The following ROBO2 variants were observed in gnomAD, a reference collection of about 807,000 sequenced individuals.
ROBO2 encodes roundabout guidance receptor 2, also known as roundabout homolog 2.
Under a neutral mutation model 160.8 loss-of-function variants are expected in ROBO2, and 53 were observed. That is an observed-to-expected ratio of 0.33 (90% CI 0.26 to 0.41). The LOEUF (loss-of-function observed/expected upper bound fraction) is 0.41, where lower values mean the gene tolerates loss of function less well. Ranked by LOEUF, ROBO2 falls within the 10% of genes least tolerant of loss-of-function variation. ROBO2 has a pLI of 1.00. For synonymous variants in ROBO2, 664 were observed against 611.7 expected, an observed-to-expected ratio of 1.09 and a Z score of -1.26; for missense variants, 1,577 against 1,722.4, an observed-to-expected ratio of 0.92 and a Z score of 1.49.
intron 2 of ROBO2, among the ~76,000 whole-genome samples, chr3:76,180,341 A>T (rs565928433): frequency 6.6e-4 from 100 of 152,250 alleles, no homozygotes; most frequent in African/African-American, 2.2e-3. Flanking sequence ...TGCTGACTTT[A>T]TCTGATTAAG....
intron 2 of ROBO2, among the ~76,000 whole-genome samples, chr3:77,384,502 C>A (rs2073895969): frequency 6.6e-6 from 1 of 152,070 alleles, no homozygotes; most frequent in Admixed American, 6.6e-5. Flanking sequence ...GAAATAAATA[C>A]CTCTCTCCAA....
intron 21 of ROBO2, 74 bp from the exon 23 acceptor site, chr3:77,617,439 T>G: frequency 6.5e-7 from 1 of 1,547,342 alleles, no homozygotes; most frequent in Admixed American, 1.7e-5. Flanking sequence ...TGCTACTTAT[T>G]GCCAGTATAA....
rs2082759280 is a variant in ROBO2, at chr3:77,200,306, TA to T, written c.388+101967del. ...ATATATATATATATATATATATATA[TA>T]TATATATATATATATTTTAGTTTCT... On this transcript the variant is annotated intron_variant, in intron 2 of 25. Coordinates refer to ENST00000461745, the Ensembl canonical transcript of ROBO2. Among the ~76,000 whole-genome samples the T allele has an allele frequency of 7.3e-4, 62 of 84,468 alleles. 1 individual carries two copies. Among genetic ancestry groups the T allele is most frequent in the East Asian group, 3.9e-3 (12 of 3,086 alleles). The allele number at this position is 84,468 out of a possible 152,430, so 55.4% of individuals were successfully genotyped here. A position where few individuals can be genotyped will look rare whatever the true frequency, so the allele number is the denominator to read the frequency against.
intron 2 of ROBO2, among the ~76,000 whole-genome samples, chr3:76,948,900 ATATATATATTTT>A (rs1478784345): frequency 5.9e-3 from 248 of 41,834 alleles, no homozygotes; most frequent in East Asian, 0.018. Flanking sequence ...ATATATATAT[ATATATATATTTT>A]TTTTTTTTTT....
intron 2 of ROBO2, among the ~76,000 whole-genome samples, chr3:76,043,430 C>G (rs2067339763): frequency 6.6e-6 from 1 of 151,520 alleles, no homozygotes; most frequent in African/African-American, 2.4e-5. Flanking sequence ...AAGCACAACC[C>G]CAAAGCTTCT....
intron 2 of ROBO2, among the ~76,000 whole-genome samples, chr3:77,445,358 T>C (rs984412041): frequency 6.6e-6 from 1 of 152,070 alleles, no homozygotes; most frequent in African/African-American, 2.4e-5. Flanking sequence ...TCAAAATCAA[T>C]AGGATATATA....
chr3:76,217,489 C>A (rs11918197), intron 2 of ROBO2, among the ~76,000 whole-genome samples: 1 of 151,994 alleles, frequency 6.6e-6, no homozygotes, highest in South Asian at 2.1e-4. Flanking sequence ...ATATCACCAC[C>A]GATCCCACAG....
At chr3:76,912,990 C>T (rs2076084593) in intron 2 of ROBO2, among the ~76,000 whole-genome samples, 1 of 151,956 alleles carries the variant, frequency 6.6e-6, no homozygotes, top group Non-Finnish European at 1.5e-5. Context: ...CCAAAGAGCA[C>T]ACAGATAACT....
intron 2 of ROBO2, among the ~76,000 whole-genome samples, chr3:76,292,506 C>T (rs2107708004): frequency 6.6e-6 from 1 of 152,156 alleles, no homozygotes; most frequent in Non-Finnish European, 1.5e-5. Context: ...CTCTCTATTC[C>T]ACCCATTCTA....
chr3:75,954,242 C>A (rs1948650920), intron 2 of ROBO2, among the ~76,000 whole-genome samples: 1 of 151,646 alleles, frequency 6.6e-6, no homozygotes, highest in Non-Finnish European at 1.5e-5. Context: ...TTTTTTTATT[C>A]CTCAGGCGTC....
At chr3:76,304,807 T>TCTTTCTCTTTCTTC (rs1559737345) in intron 2 of ROBO2, among the ~76,000 whole-genome samples, 27 of 151,190 alleles carry the variant, frequency 1.8e-4, no homozygotes, top group African/African-American at 6.1e-4. Context: ...TCTCTTTCTT[T>TCTTTCTCTTTCTTC]TTTTTTGTCT....
intron 2 of ROBO2, among the ~76,000 whole-genome samples, chr3:76,999,999 G>A (rs186785633): frequency 6.6e-6 from 1 of 152,100 alleles, no homozygotes; most frequent in African/African-American, 2.4e-5. Context: ...GTAAATTTCT[G>A]GCTCTCTGCA....
At chr3:77,463,074 C>T (rs2082404367) in intron 2 of ROBO2, among the ~76,000 whole-genome samples, 1 of 152,046 alleles carries the variant, frequency 6.6e-6, no homozygotes, top group African/African-American at 2.4e-5. Flanking sequence ...TCTTTAGCAC[C>T]ATGAGGGGAC....
chr3:77,107,319 G>C (rs944834339), intron 2 of ROBO2, among the ~76,000 whole-genome samples: 2 of 152,110 alleles, frequency 1.3e-5, no homozygotes, highest in African/African-American at 4.8e-5. Flanking sequence ...CTTCAAGCAA[G>C]GGTTGTAAGA....
At chr3:77,467,491 A>G (rs2082881372) in intron 2 of ROBO2, among the ~76,000 whole-genome samples, 1 of 152,180 alleles carries the variant, frequency 6.6e-6, no homozygotes, top group African/African-American at 2.4e-5. Context: ...AACCAGACTG[A>G]AAAGCTAGAA....
chr3:76,075,011 A>G (rs1177228220), intron 2 of ROBO2, among the ~76,000 whole-genome samples: 2 of 152,182 alleles, frequency 1.3e-5, no homozygotes, highest in African/African-American at 2.4e-5. Context: ...ATTAGGAATG[A>G]ATACGAACAG....
chr3:77,058,192 A>G (rs2065948643), intron 1 of ROBO2, among the ~76,000 whole-genome samples: 1 of 152,206 alleles, frequency 6.6e-6, no homozygotes. Flanking sequence ...AAATAGGTGA[A>G]TAGAAAACTG....
intron 2 of ROBO2, among the ~76,000 whole-genome samples, chr3:76,792,612 A>G (rs1283639517): frequency 6.6e-6 from 1 of 151,752 alleles, no homozygotes; most frequent in Non-Finnish European, 1.5e-5. Context: ...AAAGTTTGAA[A>G]ATTTTTTTTT....
At chr3:76,474,936 C>T (rs1159789323) in intron 2 of ROBO2, among the ~76,000 whole-genome samples, 2 of 151,976 alleles carry the variant, frequency 1.3e-5, no homozygotes, top group Admixed American at 6.6e-5. Flanking sequence ...CTCATGGCAA[C>T]GTCAGAAACG....
Sources: allele counts gnomAD v4.1 joint callset (sites outside exome capture counted in the v4.1 genomes callset), GRCh38; gene constraint gnomAD v4.1.1; transcripts MANE v1.5; gene names NCBI Gene and HGNC (gene_info 2026-07-23, HGNC 2026-07-21).